The following SGCZ variants were observed in gnomAD, a reference collection of about 807,000 sequenced individuals.
SGCZ encodes sarcoglycan zeta, also known as zeta-sarcoglycan.
SGCZ carries 40 observed loss-of-function variants against 41.3 expected under a neutral mutation model. The observed-to-expected ratio is 0.97, with a 90% CI of 0.75 to 1.26. SGCZ has a LOEUF of 1.26. Among genes scored for constraint, SGCZ ranks in the 50% most tolerant of loss-of-function variants. The pLI is 0.00. For missense variants in SGCZ, 552 were observed against 369.8 expected, an observed-to-expected ratio of 1.49 and a Z score of -4.04; for synonymous variants, 206 against 137.5, an observed-to-expected ratio of 1.50 and a Z score of -3.49.
At chr8:15,053,972 A>C (rs970934358) in intron 1 of SGCZ, among the ~76,000 whole-genome samples, 1 of 152,146 alleles carries the variant, frequency 6.6e-6, no homozygotes, top group Non-Finnish European at 1.5e-5. Context: ...CAAGAAACAA[A>C]TTTTGGATCT....
chr8:15,182,873 C>T (rs61411680), intron 1 of SGCZ, among the ~76,000 whole-genome samples: 3,089 of 152,178 alleles, frequency 0.02, 101 homozygotes, highest in African/African-American at 0.071. Context: ...ACACATTGTA[C>T]GGCTATACAA....
intron 1 of SGCZ, among the ~76,000 whole-genome samples, chr8:14,747,237 T>C (rs1404856308): frequency 1.3e-5 from 2 of 152,216 alleles, no homozygotes; most frequent in East Asian, 3.9e-4. Flanking sequence ...TCAGAGGTGC[T>C]GAGTCGTGTG....
At chr8:14,709,541 G>C (rs1809446144) in intron 1 of SGCZ, among the ~76,000 whole-genome samples, 2 of 152,126 alleles carry the variant, frequency 1.3e-5, no homozygotes, top group African/African-American at 4.8e-5. Context: ...CAGTCAATAG[G>C]TTTGCTAATT....
chr8:15,202,935 A>C (rs1800939122), intron 1 of SGCZ, among the ~76,000 whole-genome samples: 1 of 151,964 alleles, frequency 6.6e-6, no homozygotes, highest in African/African-American at 2.4e-5. Flanking sequence ...ACATGGTGAA[A>C]CCCTGTCTCT....
chr8:14,853,609 T>C, intron 1 of SGCZ: 1 of 406,496 alleles, frequency 2.5e-6, no homozygotes, highest in South Asian at 1.7e-5. Context: ...ACTGAAGTGG[T>C]TTGCTTTGTC....
At chr8:15,211,651 C>A (rs765986761) in intron 1 of SGCZ, among the ~76,000 whole-genome samples, 10 of 152,124 alleles carry the variant, frequency 6.6e-5, no homozygotes, top group Non-Finnish European at 1.2e-4. Context: ...TCTATGTGAT[C>A]ATCTCTAAAC....
chr8:15,043,011 G>T (rs1804165197), intron 1 of SGCZ, among the ~76,000 whole-genome samples: 1 of 152,100 alleles, frequency 6.6e-6, no homozygotes, highest in South Asian at 2.1e-4. Context: ...TGTTATTTCT[G>T]CTAATTTCCC....
intron 5 of SGCZ, among the ~76,000 whole-genome samples, chr8:14,116,753 A>T (rs2117024813): frequency 6.6e-6 from 1 of 152,150 alleles, no homozygotes; most frequent in South Asian, 2.1e-4. Context: ...ATTTACTTTC[A>T]TTTGTTTTTT....
intron 1 of SGCZ, among the ~76,000 whole-genome samples, chr8:14,807,072 A>T (rs1801560495): frequency 1.3e-5 from 2 of 152,138 alleles, no homozygotes; most frequent in Admixed American, 1.3e-4. Flanking sequence ...TATTGATGGG[A>T]CATATTTCAA....
chr8:14,610,479 G>T (rs951055435), intron 1 of SGCZ, among the ~76,000 whole-genome samples: 6 of 152,058 alleles, frequency 3.9e-5, no homozygotes, highest in Non-Finnish European at 5.9e-5. Context: ...AAAGCATGTA[G>T]ATTCTGTCAT....
In SGCZ at chr8:14,621,463, C is replaced by A. The variant is rs555135358; in HGVS notation, c.40-66537G>T. ...AAAAAATAAATAAAAAATAAAGATT[C>A]CTTGGGAAGCACAAAAAAAATAAAA... On this transcript the variant is annotated intron_variant, in intron 1 of 7. Coordinates refer to ENST00000382080, the MANE Select transcript of SGCZ (RefSeq NM_139167.4). 5.3e-5 allele frequency among the ~76,000 whole-genome samples: 8 copies of A among 151,528 alleles called. No individual in the cohort carries two copies. The East Asian group carries it at 1.4e-3, about 26-fold the overall frequency.
chr8:14,965,267 C>T (rs1423927489), intron 1 of SGCZ, among the ~76,000 whole-genome samples: 1 of 152,074 alleles, frequency 6.6e-6, no homozygotes, highest in African/African-American at 2.4e-5. Flanking sequence ...AAATCTGGTC[C>T]AGTCAAACTG....
intron 5 of SGCZ, among the ~76,000 whole-genome samples, chr8:14,134,351 G>A (rs1365231954): frequency 6.6e-6 from 1 of 152,126 alleles, no homozygotes; most frequent in East Asian, 1.9e-4. Flanking sequence ...ATGATGCAGG[G>A]AAAGGCAGCC....
At chr8:14,171,262 T>C (rs2117000378) in intron 4 of SGCZ, among the ~76,000 whole-genome samples, 1 of 152,056 alleles carries the variant, frequency 6.6e-6, no homozygotes, top group East Asian at 1.9e-4. Flanking sequence ...GCATAAGTTG[T>C]TCATACTTCA....
At chr8:14,556,508 T>A (rs1235563740) in intron 1 of SGCZ, among the ~76,000 whole-genome samples, 1 of 151,864 alleles carries the variant, frequency 6.6e-6, no homozygotes, top group Admixed American at 6.6e-5. Flanking sequence ...TCTTTAGTGG[T>A]GATTTGTGAG....
intron 2 of SGCZ, among the ~76,000 whole-genome samples, chr8:14,468,715 A>G (rs1269260334): frequency 6.6e-6 from 1 of 152,094 alleles, no homozygotes; most frequent in Non-Finnish European, 1.5e-5. Context: ...AAATTTTTAG[A>G]GAAAAACATA....
chr8:15,130,324 G>A (rs909236505), intron 1 of SGCZ, among the ~76,000 whole-genome samples: 7 of 152,142 alleles, frequency 4.6e-5, no homozygotes, highest in Admixed American at 3.3e-4. Context: ...TAATCTGCAG[G>A]CTCAGCACTT....
chr8:14,713,388 T>C (rs2130144345), intron 1 of SGCZ, among the ~76,000 whole-genome samples: 1 of 152,304 alleles, frequency 6.6e-6, no homozygotes. Context: ...TATTGTAATT[T>C]AAGGAGATGT....
At chr8:14,303,569 G>A (rs771643855) in intron 3 of SGCZ, among the ~76,000 whole-genome samples, 10 of 152,032 alleles carry the variant, frequency 6.6e-5, no homozygotes, top group African/African-American at 2.2e-4. Flanking sequence ...TCTTACAAAT[G>A]CCAAACTAAA....
Sources: allele counts gnomAD v4.1 joint callset (sites outside exome capture counted in the v4.1 genomes callset), GRCh38; gene constraint gnomAD v4.1.1; transcripts MANE v1.5; gene names NCBI Gene and HGNC (gene_info 2026-07-23, HGNC 2026-07-21).